The following TRIO variants were observed in gnomAD, a reference collection of about 807,000 sequenced individuals.
TRIO encodes the protein triple functional domain protein.
Under a neutral mutation model 351.9 loss-of-function variants are expected in TRIO, and 58 were observed. The ratio of observed to expected loss-of-function variants is 0.16; its 90% confidence interval spans 0.13 to 0.21. The LOEUF (loss-of-function observed/expected upper bound fraction) is 0.21. Among genes scored for constraint, TRIO ranks in the 10% least tolerant of loss-of-function variants. The pLI is 1.00. For synonymous variants in TRIO, 1,758 were observed against 1,595.7 expected (o/e 1.10, Z -2.42); for missense variants, 3,201 against 4,027.8 (o/e 0.79, Z 5.56).
At chr5:14,365,956 G>A (rs190057452) in intron 15 of TRIO, among the ~76,000 whole-genome samples, 24 of 152,296 alleles carry the variant, frequency 1.6e-4, no homozygotes, top group Admixed American at 1.6e-3. Context: ...CTTCCCCAGA[G>A]ACTCCTGCTT....
chr5:14,187,443 C>G (rs543155710), intron 1 of TRIO, among the ~76,000 whole-genome samples: 9 of 152,132 alleles, frequency 5.9e-5, no homozygotes, highest in African/African-American at 1.9e-4. Context: ...GTGTTGTGGG[C>G]TTTATTTTTA....
At chr5:14,503,346 C>T (rs988740441) in intron 54 of TRIO, among the ~76,000 whole-genome samples, 2 of 152,276 alleles carry the variant, frequency 1.3e-5, no homozygotes, top group Non-Finnish European at 2.9e-5. Context: ...CACATGGCTC[C>T]TGTTGCTGTC....
rs190467735 is a variant in TRIO at position 14,208,672 on chromosome 5, T to A, written c.158-62153T>A. ...AGAAAGTCTAACTGAAGAGTATACT[T>A]TTGTAACAAATAGCTGACTCTCAGC... is the stretch of plus-strand genomic sequence containing the variant. On this transcript the variant is annotated intron_variant, in intron 1 of 56. Transcript: ENST00000344204. 5.1e-4 allele frequency among the ~76,000 whole-genome samples: 78 copies of A among 152,354 alleles called. No individual in the cohort carries two copies. The South Asian group carries it at 6.8e-3, about 13-fold the overall frequency.
At chr5:14,237,122 A>G (rs2152229637) in intron 1 of TRIO, among the ~76,000 whole-genome samples, 1 of 152,256 alleles carries the variant, frequency 6.6e-6, no homozygotes, top group East Asian at 1.9e-4. Context: ...CACTTATCCA[A>G]AATGCTTGGG....
intron 37 of TRIO, among the ~76,000 whole-genome samples, chr5:14,468,404 G>A (rs763219407): frequency 2.0e-5 from 3 of 152,220 alleles, no homozygotes; most frequent in Non-Finnish European, 4.4e-5. Context: ...ACACATGGGA[G>A]CTCTCAACCA....
Position 14,398,866 on chromosome 5 carries a change from T to G in TRIO, c.4424-14T>G, listed in dbSNP as rs771419739. 9 of 1,579,522 alleles carry G rather than the reference T, an allele frequency of 5.7e-6. No individual in the cohort carries two copies. The highest frequency in any genetic ancestry group is 7.7e-6 in the Non-Finnish European group (9 of 1,165,640). On this transcript the variant is annotated splice_polypyrimidine_tract_variant and intron_variant, in intron 29 of 56. Transcript: ENST00000344204. ...TCTTTTAAATTGATTTGCCTCCCTT[T>G]TTTCATGTTGTAGGGTTTGATGAAA...
intron 1 of TRIO, among the ~76,000 whole-genome samples, chr5:14,153,897 A>G (rs1787963503): frequency 6.6e-6 from 1 of 152,208 alleles, no homozygotes. Flanking sequence ...TATAATTTAC[A>G]AGTCTCACAC....
At chr5:14,450,982 A>G (rs1007864372) in intron 34 of TRIO, among the ~76,000 whole-genome samples, 2 of 152,250 alleles carry the variant, frequency 1.3e-5, no homozygotes, top group Non-Finnish European at 2.9e-5. Context: ...GAATGAACAC[A>G]TAGAAGTCAG....
intron 34 of TRIO, among the ~76,000 whole-genome samples, chr5:14,453,585 C>T (rs534066761): frequency 1.3e-5 from 2 of 152,304 alleles, no homozygotes; most frequent in South Asian, 4.1e-4. Context: ...CCCATTATTT[C>T]ATTTAATCCT....
intron 13 of TRIO, among the ~76,000 whole-genome samples, chr5:14,359,770 C>T (rs1040101700): frequency 2.0e-5 from 3 of 152,210 alleles, no homozygotes; most frequent in Non-Finnish European, 2.9e-5. Flanking sequence ...ATAGAGCAGG[C>T]AGCTCGCGTG....
rs56915481 is a variant in TRIO at position 14,207,262 on chromosome 5, T to TACACACACACACACACAC, written c.157+63392_157+63409dup. Among the ~76,000 whole-genome samples the TACACACACACACACACAC allele has an allele frequency of 3.0e-3, 138 of 46,080 alleles. 17 individuals are homozygous for TACACACACACACACACAC. Among genetic ancestry groups the TACACACACACACACACAC allele is most frequent in the African/African-American group, 4.5e-3 (51 of 11,314 alleles). 30.2% of individuals were successfully genotyped at this position (46,080 alleles called of 152,430 possible). On this transcript the variant is annotated intron_variant, in intron 1 of 56. Coordinates refer to ENST00000344204, the MANE Select transcript of TRIO (RefSeq NM_007118.4). The stretch of plus-strand genomic sequence containing the variant: ...CTGGGCAACATAGCAAGATGGTCTC[T>TACACACACACACACACAC]ACACACACACACACACACACACACA...
At chr5:14,159,926 G>A (rs1257905365) in intron 1 of TRIO, among the ~76,000 whole-genome samples, 2 of 152,316 alleles carry the variant, frequency 1.3e-5, no homozygotes, top group Non-Finnish European at 1.5e-5. Flanking sequence ...CCGAGACATA[G>A]AGTATGTTGT....
intron 1 of TRIO, among the ~76,000 whole-genome samples, chr5:14,192,292 C>T (rs1426606045): frequency 1.3e-5 from 2 of 150,598 alleles, no homozygotes; most frequent in Non-Finnish European, 2.9e-5. Context: ...CAGAGTCTTG[C>T]TCTGTCGCCC....
At chr5:14,305,881 T>C (rs543779091) in intron 8 of TRIO, among the ~76,000 whole-genome samples, 25 of 152,374 alleles carry the variant, frequency 1.6e-4, no homozygotes, top group Non-Finnish European at 2.8e-4. Context: ...ACTGTACTTT[T>C]TCTATGTTTA....
chr5:14,305,192 G>A (rs762486002), intron 8 of TRIO, among the ~76,000 whole-genome samples: 14 of 152,188 alleles, frequency 9.2e-5, no homozygotes, highest in African/African-American at 1.4e-4. Flanking sequence ...AAATGACTGC[G>A]CCAGGTCAGC....
At chr5:14,456,974 G>A (rs1239675991) in intron 34 of TRIO, among the ~76,000 whole-genome samples, 1 of 152,108 alleles carries the variant, frequency 6.6e-6, no homozygotes, top group Non-Finnish European at 1.5e-5. Context: ...ATAGACATGG[G>A]CTGTTACATT....
At chr5:14,460,975 G>A in intron 34 of TRIO, 44 bp from the exon 35 acceptor site, 1 of 1,484,222 alleles carries the variant, frequency 6.7e-7, no homozygotes, top group Non-Finnish European at 9.0e-7. Flanking sequence ...CACACCGGAG[G>A]GTCTGTGCGA....
intron 34 of TRIO, among the ~76,000 whole-genome samples, chr5:14,437,915 A>G (rs1751725571): frequency 6.6e-6 from 1 of 152,092 alleles, no homozygotes; most frequent in Non-Finnish European, 1.5e-5. Flanking sequence ...CTTGACATAG[A>G]TATCACCCTT....
At chr5:14,315,704 T>C (rs978877403) in intron 8 of TRIO, among the ~76,000 whole-genome samples, 4 of 152,236 alleles carry the variant, frequency 2.6e-5, no homozygotes, top group African/African-American at 9.6e-5. Context: ...TGTCACTTTT[T>C]TTCCCCCCAA....
Sources: allele counts gnomAD v4.1 joint callset (sites outside exome capture counted in the v4.1 genomes callset), GRCh38; gene constraint gnomAD v4.1.1; transcripts MANE v1.5; gene names NCBI Gene and HGNC (gene_info 2026-07-23, HGNC 2026-07-21).